The following EFL1 variants were observed in gnomAD, a reference collection of about 807,000 sequenced individuals.
The protein encoded by EFL1 is elongation factor-like GTPase 1.
In EFL1, 76 loss-of-function variants were observed where a neutral mutation model predicts 126.7. That is an observed-to-expected ratio of 0.60 (90% confidence interval 0.50 to 0.73). EFL1 has a LOEUF of 0.73. Among genes scored for constraint, EFL1 ranks in the 30% least tolerant of loss-of-function variants. The pLI is 0.00. For missense variants in EFL1, 1,128 were observed against 1,343.2 expected (o/e 0.84, Z 2.50); for synonymous variants, 410 against 448.4 (o/e 0.91, Z 1.08).
rs564731458 is a variant in EFL1, at chr15:82,203,535, C to A, written c.1750+11182G>T. Among the ~76,000 whole-genome samples the A allele has an allele frequency of 3.9e-5, 6 of 152,034 alleles. 1 individual carries two copies. In the East Asian group the frequency reaches 1.2e-3, roughly 29 times the overall value. On this transcript the variant is annotated intron_variant, in intron 15 of 19. Transcript: ENST00000268206. ...GATTATAGGTGCCCACCACCACGCC[C>A]GGCAAATTTTTGTATTTTTAGTAGA...
intron 15 of EFL1, among the ~76,000 whole-genome samples, chr15:82,164,510 C>A (rs1032277404): frequency 6.6e-6 from 1 of 152,154 alleles, no homozygotes; most frequent in Admixed American, 6.5e-5. Context: ...CCCTGCCATA[C>A]ACTCACTTCA....
intron 16 of EFL1, among the ~76,000 whole-genome samples, chr15:82,163,318 G>GCC (rs1156801436): frequency 6.6e-6 from 1 of 152,204 alleles, no homozygotes; most frequent in Non-Finnish European, 1.5e-5. Context: ...GAGGCAGGCA[G>GCC]ATGACCTGCG....
intron 7 of EFL1, chr15:82,233,898 G>A (rs1179004164): frequency 6.6e-6 from 1 of 152,122 alleles, no homozygotes; most frequent in African/African-American, 2.4e-5. Flanking sequence ...AGAGGAAAAG[G>A]GGAAGGAAAA....
chr15:82,216,821 T>C (rs1271996011), intron 14 of EFL1, among the ~76,000 whole-genome samples: 1 of 152,128 alleles, frequency 6.6e-6, no homozygotes, highest in Non-Finnish European at 1.5e-5. Flanking sequence ...AAAATAATGA[T>C]AATTCGAGTA....
intron 3 of EFL1, among the ~76,000 whole-genome samples, chr15:82,255,069 A>G (rs1488819890): frequency 1.3e-5 from 2 of 152,206 alleles, no homozygotes; most frequent in African/African-American, 4.8e-5. Flanking sequence ...TTAAATCTGC[A>G]CATCCTCAAC....
chr15:82,180,387 AC>A (rs57025278), intron 15 of EFL1, among the ~76,000 whole-genome samples: 13,338 of 132,468 alleles, frequency 0.1, 1,252 homozygotes, highest in African/African-American at 0.27. Context: ...AAAAAAACAA[AC>A]AAAAAAAACC....
At chr15:82,183,527 C>T (rs1401641844) in intron 15 of EFL1, among the ~76,000 whole-genome samples, 1 of 152,102 alleles carries the variant, frequency 6.6e-6, no homozygotes, top group African/African-American at 2.4e-5. Context: ...CACTACTGCT[C>T]CACAGACAGC....
At chr15:82,255,381 G>A (rs963883860) in intron 3 of EFL1, among the ~76,000 whole-genome samples, 1 of 152,142 alleles carries the variant, frequency 6.6e-6, no homozygotes, top group Admixed American at 6.5e-5. Flanking sequence ...TTGGATAGGA[G>A]TTATTTATAG....
intron 3 of EFL1, among the ~76,000 whole-genome samples, chr15:82,258,876 C>G (rs2075088808): frequency 6.6e-6 from 1 of 152,250 alleles, no homozygotes; most frequent in African/African-American, 2.4e-5. Flanking sequence ...CAAAAACTCA[C>G]TTTTGCACTT....
chr15:82,158,326 G>C (rs1386790335), intron 16 of EFL1, among the ~76,000 whole-genome samples: 1 of 152,178 alleles, frequency 6.6e-6, no homozygotes, highest in Admixed American at 6.5e-5. Flanking sequence ...CTGCTTGCTA[G>C]AACTTGGGTT....
At position 82,255,587 on chromosome 15, in the gene EFL1, G is replaced by C. The variant is rs560487233; in HGVS notation, c.160-2812C>G. On this transcript the variant is annotated intron_variant, in intron 3 of 19. Transcript: ENST00000268206. ...TTCCTTTAAGGTCATAAAAATATTA[G>C]CCCATATTATTTTCTAAAAGCTTTA... 5.9e-5 allele frequency among the ~76,000 whole-genome samples: 9 copies of C among 152,062 alleles called. 1 individual carries two copies. Among genetic ancestry groups the C allele is most frequent in the African/African-American group, 2.2e-4 (9 of 41,458 alleles).
intron 18 of EFL1, among the ~76,000 whole-genome samples, chr15:82,144,544 T>C (rs1162393302): frequency 6.6e-6 from 1 of 152,262 alleles, no homozygotes; most frequent in Non-Finnish European, 1.5e-5. Context: ...TTTTACTTTC[T>C]AATTACTTTA....
chr15:82,199,234 T>C (rs570305806), intron 15 of EFL1, among the ~76,000 whole-genome samples: 1 of 152,050 alleles, frequency 6.6e-6, no homozygotes, highest in Non-Finnish European at 1.5e-5. Flanking sequence ...CTTTGAAAAA[T>C]GGAACTAGAT....
intron 15 of EFL1, among the ~76,000 whole-genome samples, chr15:82,200,435 G>A (rs746922283): frequency 8.5e-5 from 13 of 152,144 alleles, no homozygotes; most frequent in Non-Finnish European, 1.5e-4. Context: ...ACTGGAAACC[G>A]GCTCCAAGCA....
intron 15 of EFL1, among the ~76,000 whole-genome samples, chr15:82,197,710 G>A (rs949901166): frequency 6.6e-6 from 1 of 152,134 alleles, no homozygotes; most frequent in Non-Finnish European, 1.5e-5. Flanking sequence ...GTTGGAAGAG[G>A]GGTAGGAGGG....
chr15:82,192,324 C>T (rs1268448644), intron 15 of EFL1, among the ~76,000 whole-genome samples: 4 of 149,708 alleles, frequency 2.7e-5, no homozygotes, highest in East Asian at 2.0e-4. Context: ...TGCTTGAACC[C>T]GGGAGGCAGA....
At position 82,227,525 on chromosome 15, in the gene EFL1, T is replaced by C. The variant is rs1420093692; in HGVS notation, c.1117A>G (p.Arg373Gly). ...LPSPLDITAE[R>G]VERLMCTGSQ... ...CCTGTGCACATCAGTCTCTCCACTCTCTCAGCTGTAATATCAAGGGGACTA... is the reference window on the plus strand; with the variant it reads ...CCTGTGCACATCAGTCTCTCCACTCCCTCAGCTGTAATATCAAGGGGACTA... The change falls in exon 11 of 20, where the codon AGA becomes GGA. Residue 373 changes from arginine (R) to glycine (G), a missense_variant. By Grantham distance (125) the Arg-to-Gly change is moderately radical. Transcript: ENST00000268206. 1 of 1,614,150 alleles carries C rather than the reference T, an allele frequency of 6.2e-7. No homozygotes were observed. The highest frequency in any genetic ancestry group is 8.5e-7 in the Non-Finnish European group (1 of 1,180,014).
chr15:82,255,312 T>A (rs2075057655), intron 3 of EFL1, among the ~76,000 whole-genome samples: 1 of 152,240 alleles, frequency 6.6e-6, no homozygotes, highest in Non-Finnish European at 1.5e-5. Context: ...TTTCTGTGAA[T>A]TGCCTATACA....
chr15:82,147,627 G>GGA (rs1555424268), intron 18 of EFL1, among the ~76,000 whole-genome samples: 2 of 83,962 alleles, frequency 2.4e-5, no homozygotes, highest in Middle Eastern at 6.9e-3. Flanking sequence ...GGGCAATAGT[G>GGA]AAAAAAAAAA....
Sources: gnomAD v4.1 joint callset for allele counts (sites outside exome capture counted in the v4.1 genomes callset) on GRCh38, gnomAD v4.1.1 for gene constraint, MANE v1.5 for transcripts, NCBI Gene and HGNC (gene_info 2026-07-23, HGNC 2026-07-21) for gene names.